YIPF5: variants seen among roughly 807,000 people sequenced by gnomAD.
YIPF5 encodes Yip1 domain family member 5.
Under a neutral mutation model 30.4 loss-of-function variants are expected in YIPF5, and 8 were observed. The ratio of observed to expected loss-of-function variants is 0.26; its 90% confidence interval spans 0.15 to 0.47. The LOEUF (loss-of-function observed/expected upper bound fraction) is 0.47, where lower values mean the gene tolerates loss of function less well. YIPF5 is among the 20% of genes least tolerant of loss of function. YIPF5 has a pLI of 0.99. For synonymous variants in YIPF5, 104 were observed against 107.9 expected (o/e 0.96, Z 0.23); for missense variants, 282 against 301.8 (o/e 0.93, Z 0.49).
Position 144,158,633 on chromosome 5 carries a change from T to C in YIPF5, c.*1764A>G, listed in dbSNP as rs1473607519. The C allele has an allele frequency of 9.4e-7, 1 of 1,059,506 alleles. No individual in the cohort carries two copies. The highest frequency in any genetic ancestry group is 5.9e-5 in the Admixed American group (1 of 16,868). The allele number at this position is 1,059,506 out of a possible 1,614,324, so 65.6% of individuals were successfully genotyped here. On this transcript the variant is annotated 3_prime_UTR_variant, in exon 6 of 6. Transcript: ENST00000274496. ...ACAAATGAATTGAAAAAGACAAAAA[T>C]ACTATCCAAGAATTACAATAAAAAA... is the stretch of plus-strand genomic sequence containing the variant.
rs1021860937 is a variant in YIPF5 at position 144,170,547 on chromosome 5, C to A, written c.-23G>T. ...CTGGGTCACTCACCAAACTCTGAGG[C>A]TGCGCTGGCGGCAAAGGCAGTAGCT... On this transcript the variant is annotated 5_prime_UTR_variant, in exon 1 of 6. Transcript: ENST00000274496. 2.6e-5 allele frequency: 4 copies of A among 153,424 alleles called. No individual in the cohort carries two copies. The highest frequency in any genetic ancestry group is 9.6e-5 in the African/African-American group (4 of 41,486). 9.5% of individuals were successfully genotyped at this position (153,424 alleles called of 1,614,324 possible).
chr5:144,165,369 GATTA>G (rs1215943390), intron 3 of YIPF5, 59 bp downstream of exon 3: 12 of 1,539,524 alleles, frequency 7.8e-6, no homozygotes, highest in Middle Eastern at 1.8e-4. Context: ...TCCAAATTAA[GATTA>G]ATTTTCACTA....
chr5:144,169,690 T>C (rs1040502511), intron 2 of YIPF5, among the ~76,000 whole-genome samples, 156 bp downstream of exon 2: 1 of 152,218 alleles, frequency 6.6e-6, no homozygotes, highest in African/African-American at 2.4e-5. Flanking sequence ...GCCAAGCCAG[T>C]GTCACATATC....
Position 144,165,151 on chromosome 5 carries a change from C to G in YIPF5, c.283+281G>C, listed in dbSNP as rs4478353. On this transcript the variant is annotated intron_variant, in intron 3 of 5. Transcript: ENST00000274496. ...ATGGATAGCACACTTTTTCTTCTCACTTTTCCCACTAGCAGAATTTAGTCA... is the reference window on the plus strand; with the variant it reads ...ATGGATAGCACACTTTTTCTTCTCAGTTTTCCCACTAGCAGAATTTAGTCA... Among the ~76,000 whole-genome samples, 3 of 152,124 alleles carry G rather than the reference C, an allele frequency of 2.0e-5. No individual in the cohort carries two copies. The South Asian group carries it at 6.2e-4, about 31-fold the overall frequency.
rs1418033355 is a variant in YIPF5, at chr5:144,160,375, T to G, written c.*22A>C. 1 of 1,604,942 alleles carries G rather than the reference T, an allele frequency of 6.2e-7. No homozygotes were observed. Among genetic ancestry groups the G allele is most frequent in the Non-Finnish European group, 8.5e-7 (1 of 1,173,974 alleles). On this transcript the variant is annotated 3_prime_UTR_variant, in exon 6 of 6. Coordinates refer to ENST00000274496, the MANE Select transcript of YIPF5 (RefSeq NM_030799.9). ...CCTTTTTGTACATCTGGCCCACTGA[T>G]GTCCACATCCCAGATAAATTTTCAA... is the stretch of plus-strand genomic sequence containing the variant.
At chr5:144,164,872 C>T (rs192820160) in intron 3 of YIPF5, among the ~76,000 whole-genome samples, 13 of 152,292 alleles carry the variant, frequency 8.5e-5, no homozygotes, top group African/African-American at 2.4e-4. Flanking sequence ...AAAGGGTTAA[C>T]AGTAAGGGGT....
chr5:144,160,544 G>C lies in YIPF5; in HGVS notation c.627C>G (p.Ile209Met), dbSNP rs1752004591. The change falls in exon 6 of 6, where the codon ATC (isoleucine) becomes ATG (methionine). Residue 209 changes from isoleucine (I) to methionine (M), a missense_variant. Coordinates refer to ENST00000274496, the MANE Select transcript of YIPF5 (RefSeq NM_030799.9). ...VIFSLQGMVG[I>M]ILTAGIIGWC... is the part of the protein sequence containing the mutation. Reference sequence around the variant, plus strand: ...ATCCAATAATCCCAGCAGTGAGAATGATTCCTACCATTCCTCTGTAAACAA... The same window carrying C: ...ATCCAATAATCCCAGCAGTGAGAATCATTCCTACCATTCCTCTGTAAACAA... 1 of 1,613,006 alleles carries C rather than the reference G, an allele frequency of 6.2e-7. No individual in the cohort carries two copies. Among genetic ancestry groups the C allele is most frequent in the African/African-American group, 1.3e-5 (1 of 74,862 alleles).
In YIPF5 at chr5:144,160,096, C is replaced by A; in HGVS notation, c.*301G>T. The A allele has an allele frequency of 9.6e-7, 1 of 1,042,268 alleles. No individual in the cohort carries two copies. Among genetic ancestry groups the A allele is most frequent in the Non-Finnish European group, 1.2e-6 (1 of 867,934 alleles). The allele number at this position is 1,042,268 out of a possible 1,614,324, so 64.6% of individuals were successfully genotyped here. A position where few individuals can be genotyped will look rare whatever the true frequency, so the allele number is the denominator to read the frequency against. On this transcript the variant is annotated 3_prime_UTR_variant, in exon 6 of 6. Coordinates refer to ENST00000274496, the MANE Select transcript of YIPF5 (RefSeq NM_030799.9). Reference sequence around the variant, plus strand: ...TTTCCCACAGTTGATAAAAATCTATCAAAAACATTATAATTTGCAAGGAAA... The same window carrying A: ...TTTCCCACAGTTGATAAAAATCTATAAAAAACATTATAATTTGCAAGGAAA...
chr5:144,160,859 T>C (rs1352859771), intron 5 of YIPF5, among the ~76,000 whole-genome samples: 1 of 152,188 alleles, frequency 6.6e-6, no homozygotes, highest in East Asian at 1.9e-4. Context: ...ATGCTATCTT[T>C]GTTGTGGGGG....
intron 3 of YIPF5, 52 bp from the exon 4 acceptor site, chr5:144,164,308 A>T: frequency 6.6e-7 from 1 of 1,509,538 alleles, no homozygotes; most frequent in East Asian, 2.3e-5. Context: ...TGTATTTTTA[A>T]TTCATCAAAA....
chr5:144,168,822 G>C (rs563479260), intron 2 of YIPF5, among the ~76,000 whole-genome samples: 8 of 152,136 alleles, frequency 5.3e-5, no homozygotes, highest in African/African-American at 1.9e-4. Context: ...TTAAATTCTT[G>C]GGCACTCTAA....
chr5:144,167,545 A>G (rs1752235290), intron 2 of YIPF5, among the ~76,000 whole-genome samples: 2 of 152,206 alleles, frequency 1.3e-5, no homozygotes, highest in Admixed American at 1.3e-4. Context: ...GTGACTTGGT[A>G]TTATGATATA....
At position 144,159,704 on chromosome 5, in the gene YIPF5, TCC is replaced by T; in HGVS notation, c.*691_*692del. 2 of 913,744 alleles carry T rather than the reference TCC, an allele frequency of 2.2e-6. No homozygotes were observed. Among genetic ancestry groups the T allele is most frequent in the Non-Finnish European group, 2.6e-6 (2 of 780,382 alleles). The allele number at this position is 913,744 out of a possible 1,614,324, so 56.6% of individuals were successfully genotyped here. A position where few individuals can be genotyped will look rare whatever the true frequency, so the allele number is the denominator to read the frequency against. ...ATATTTTTGCAGTAAGTCTTGTGTCTCCTTTTTTTTTTTTTTTTGAGACAGAG... is the reference window on the plus strand; with the variant it reads ...ATATTTTTGCAGTAAGTCTTGTGTCTTTTTTTTTTTTTTTTTGAGACAGAG... On this transcript the variant is annotated 3_prime_UTR_variant, in exon 6 of 6. Coordinates refer to ENST00000274496, the MANE Select transcript of YIPF5 (RefSeq NM_030799.9).
chr5:144,170,395 A>T (rs1401546515), intron 1 of YIPF5, 140 bp downstream of exon 1: 3 of 194,628 alleles, frequency 1.5e-5, no homozygotes, highest in Non-Finnish European at 3.2e-5. Context: ...GGTGCAGGGG[A>T]CCGCGTCAGG....
At chr5:144,166,714 A>G (rs1752211722) in intron 2 of YIPF5, among the ~76,000 whole-genome samples, 1 of 152,182 alleles carries the variant, frequency 6.6e-6, no homozygotes, top group African/African-American at 2.4e-5. Flanking sequence ...TGCTTTTCGT[A>G]GAGGCAGTAA....
chr5:144,161,096 T>C (rs766653639), intron 5 of YIPF5, among the ~76,000 whole-genome samples: 1 of 152,180 alleles, frequency 6.6e-6, no homozygotes, highest in African/African-American at 2.4e-5. Flanking sequence ...ATATGAAATA[T>C]TTCTATTCAA....
Position 144,160,323 on chromosome 5 carries a change from T to C in YIPF5, c.*74A>G, listed in dbSNP as rs144020802. On this transcript the variant is annotated 3_prime_UTR_variant, in exon 6 of 6. Coordinates refer to ENST00000274496, the MANE Select transcript of YIPF5 (RefSeq NM_030799.9). ...GCATGAGAGTTGCGCTGCAGCAGTTTGCTGGTCCAATTTAAGAGTTCAAGG... is the reference window on the plus strand; with the variant it reads ...GCATGAGAGTTGCGCTGCAGCAGTTCGCTGGTCCAATTTAAGAGTTCAAGG... 5 of 1,542,742 alleles carry C rather than the reference T, an allele frequency of 3.2e-6. No individual in the cohort carries two copies. The highest frequency in any genetic ancestry group is 2.8e-5 in the African/African-American group (2 of 72,536).
chr5:144,162,103 A>G (rs559465893), intron 5 of YIPF5, 115 bp downstream of exon 5: 1 of 1,145,100 alleles, frequency 8.7e-7, no homozygotes, highest in East Asian at 2.4e-5. Flanking sequence ...CCCTACTACA[A>G]GAGGCACTAT....
Position 144,159,820 on chromosome 5 carries a change from C to T in YIPF5, c.*577G>A, listed in dbSNP as rs1323583695. The T allele has an allele frequency of 1.8e-6, 1 of 560,466 alleles. No individual in the cohort carries two copies. The highest frequency in any genetic ancestry group is 2.2e-6 in the Non-Finnish European group (1 of 444,512). 34.7% of individuals were successfully genotyped at this position (560,466 alleles called of 1,614,324 possible). ...GCCTCCTGGGTTCACACTTCTCCTGCCTCAGCCTCCTGAGTAGCTGGGACT... is the reference window on the plus strand; with the variant it reads ...GCCTCCTGGGTTCACACTTCTCCTGTCTCAGCCTCCTGAGTAGCTGGGACT... On this transcript the variant is annotated 3_prime_UTR_variant, in exon 6 of 6. Transcript: ENST00000274496.
Sources: gnomAD v4.1 joint callset for allele counts (sites outside exome capture counted in the v4.1 genomes callset) on GRCh38, gnomAD v4.1.1 for gene constraint, MANE v1.5 for transcripts, NCBI Gene and HGNC (gene_info 2026-07-23, HGNC 2026-07-21) for gene names.